The following LIPA variants were observed in gnomAD, a reference collection of about 807,000 sequenced individuals.
LIPA encodes the protein lipase A, lysosomal acid type, also known as lysosomal acid lipase/cholesteryl ester hydrolase.
Under a neutral mutation model 40.6 loss-of-function variants are expected in LIPA, and 26 were observed. That is an observed-to-expected ratio of 0.64 (90% CI 0.47 to 0.89). The LOEUF (loss-of-function observed/expected upper bound fraction) is 0.89. LIPA is among the 40% of genes least tolerant of loss of function. The pLI is 0.00. For synonymous variants in LIPA, 188 were observed against 168.4 expected (o/e 1.12, Z -0.90); for missense variants, 455 against 479.6 (o/e 0.95, Z 0.48).
At chr10:89,345,093 G>C (rs1192240999), upstream of LIPA, among the ~76,000 whole-genome samples, 1 of 151,766 alleles carries the variant, frequency 6.6e-6, no homozygotes, top group Non-Finnish European at 1.5e-5. Flanking sequence ...CTTAAACCTG[G>C]CAGGTAGAGG....
chr10:89,304,756 T>G (rs1843467757), intron 1 of LIPA, among the ~76,000 whole-genome samples: 1 of 152,032 alleles, frequency 6.6e-6, no homozygotes, highest in African/African-American at 2.4e-5. Flanking sequence ...TTTTTAGGGG[T>G]TTTTTTGTTG....
chr10:89,409,688 C>T (rs533465644), intron 2 of LIPA, among the ~76,000 whole-genome samples: 1 of 152,320 alleles, frequency 6.6e-6, no homozygotes, highest in African/African-American at 2.4e-5. Flanking sequence ...AATCTCCTGT[C>T]CTGGACAGCT....
chr10:89,328,089 T>A, intron 1 of LIPA: 1 of 1,613,524 alleles, frequency 6.2e-7, no homozygotes, highest in Non-Finnish European at 8.5e-7. Flanking sequence ...GTCAGTGAAA[T>A]AAGAATGCAT....
chr10:89,289,776 C>A (rs936777743), intron 1 of LIPA, among the ~76,000 whole-genome samples: 1 of 152,160 alleles, frequency 6.6e-6, no homozygotes, highest in Admixed American at 6.5e-5. Context: ...CTAATACTTT[C>A]ACCCCGATGA....
chr10:89,252,476 TATAA>T (rs1384674686), upstream of LIPA, among the ~76,000 whole-genome samples: 1 of 152,080 alleles, frequency 6.6e-6, no homozygotes, highest in Non-Finnish European at 1.5e-5. Context: ...TGATAAGTGC[TATAA>T]ATAACAACAA....
At chr10:89,341,085 T>C (rs1843864233) in intron 1 of LIPA, 1 of 152,202 alleles carries the variant, frequency 6.6e-6, no homozygotes, top group Admixed American at 6.5e-5. Flanking sequence ...ATTCTCGACA[T>C]GTTCATTTGA....
In LIPA at chr10:89,317,725, A is replaced by G. The variant is rs564548939; in HGVS notation, c.-2+24886T>C. 7.2e-5 allele frequency among the ~76,000 whole-genome samples: 11 copies of G among 152,346 alleles called. No homozygotes were observed. The South Asian group carries it at 2.3e-3, about 32-fold the overall frequency. On this transcript the variant is annotated intron_variant, in intron 1 of 5. Transcript: ENST00000282673. Reference sequence around the variant, plus strand: ...TCAGGAAATACGGAGAACGCCACAAAGATATTCCTCGAGAAGAGCAATTCC... The same window carrying G: ...TCAGGAAATACGGAGAACGCCACAAGGATATTCCTCGAGAAGAGCAATTCC...
At position 89,391,933 on chromosome 10, in the gene LIPA, A is replaced by T. The variant is rs551735528; in HGVS notation, c.61+20858T>A. 3.3e-5 allele frequency among the ~76,000 whole-genome samples: 5 copies of T among 152,312 alleles called. No individual in the cohort carries two copies. In the South Asian group the frequency reaches 1.0e-3, roughly 32 times the overall value. On this transcript the variant is annotated intron_variant, in intron 2 of 8. Transcript: ENST00000371837. ...GTAGTTGCTAACTATTTAAACTCAA[A>T]TTCCATGAACTGTAGTGGAGGTTGT...
chr10:89,277,102 T>C (rs1843292870), intron 1 of LIPA, among the ~76,000 whole-genome samples: 2 of 152,170 alleles, frequency 1.3e-5, no homozygotes, highest in South Asian at 4.1e-4. Flanking sequence ...TTACTGTGTA[T>C]TAAAAGAAGG....
chr10:89,330,230 A>G (rs553521545), intron 1 of LIPA, among the ~76,000 whole-genome samples: 2 of 152,304 alleles, frequency 1.3e-5, no homozygotes, highest in African/African-American at 4.8e-5. Context: ...TCACCCTTCC[A>G]ACAGCCCTAG....
At chr10:89,230,732 T>C (rs901900146) in intron 3 of LIPA, among the ~76,000 whole-genome samples, 4 of 152,176 alleles carry the variant, frequency 2.6e-5, no homozygotes, top group Admixed American at 6.5e-5. Flanking sequence ...GAAATGATAA[T>C]ACACATTTTA....
At chr10:89,350,631 C>A (rs967539856) in intron 2 of LIPA, among the ~76,000 whole-genome samples, 6 of 150,314 alleles carry the variant, frequency 4.0e-5, no homozygotes, top group Non-Finnish European at 7.4e-5. Context: ...GCATTTCTTG[C>A]AGGGGGTTGG....
intron 1 of LIPA, chr10:89,309,285 C>T (rs898663758): frequency 2.6e-5 from 4 of 152,202 alleles, no homozygotes; most frequent in Non-Finnish European, 4.4e-5. Context: ...TATGCCCCAT[C>T]CTGGACGCAA....
intron 1 of LIPA, among the ~76,000 whole-genome samples, chr10:89,334,220 T>A (rs1328527720): frequency 6.6e-6 from 1 of 152,202 alleles, no homozygotes; most frequent in East Asian, 1.9e-4. Flanking sequence ...CAGGTGGTCA[T>A]GATCTGGGTT....
At chr10:89,394,800 G>A (rs1194016478) in intron 2 of LIPA, among the ~76,000 whole-genome samples, 10 of 151,178 alleles carry the variant, frequency 6.6e-5, no homozygotes, top group African/African-American at 1.7e-4. Flanking sequence ...CATTTTTCTC[G>A]CTATGTGGAG....
intron 2 of LIPA, among the ~76,000 whole-genome samples, chr10:89,359,482 G>C (rs144057295): frequency 5.7e-4 from 87 of 152,312 alleles, no homozygotes; most frequent in African/African-American, 1.8e-3. Context: ...GGGTTGACCA[G>C]GAAACCAGGT....
intron 2 of LIPA, among the ~76,000 whole-genome samples, chr10:89,368,502 C>T (rs1396874724): frequency 6.6e-6 from 1 of 152,210 alleles, no homozygotes; most frequent in Admixed American, 6.5e-5. Flanking sequence ...CCTCTCCACC[C>T]ACCAACTCTG....
chr10:89,367,938 C>A (rs1220853292), intron 2 of LIPA, among the ~76,000 whole-genome samples: 1 of 152,172 alleles, frequency 6.6e-6, no homozygotes, highest in Non-Finnish European at 1.5e-5. Context: ...TCCACCCCAG[C>A]CTTCCAATTA....
upstream of LIPA, chr10:89,252,154 G>A (rs1171144838): frequency 1.3e-5 from 2 of 152,344 alleles, no homozygotes; most frequent in East Asian, 1.9e-4. Context: ...GAGAGCATGT[G>A]GGCTCTATAA....
Sources: allele counts gnomAD v4.1 joint callset (sites outside exome capture counted in the v4.1 genomes callset), GRCh38; gene constraint gnomAD v4.1.1; transcripts MANE v1.5; gene names NCBI Gene and HGNC (gene_info 2026-07-23, HGNC 2026-07-21).